The following ATXN1 variants were observed in gnomAD, a reference collection of about 807,000 sequenced individuals.
ATXN1 encodes ataxin 1, also known as ataxin-1.
In ATXN1, 8 loss-of-function variants were observed where a neutral mutation model predicts 56.4. The observed-to-expected ratio is 0.14, with a 90% confidence interval of 0.08 to 0.26. ATXN1 has a LOEUF of 0.26. Ranked by LOEUF, ATXN1 falls within the 10% of genes least tolerant of loss-of-function variation. The pLI, the probability that ATXN1 is intolerant of heterozygous loss-of-function variation, is 1.00. For missense variants in ATXN1, 987 were observed against 1,106.5 expected (o/e 0.89, Z 1.53); for synonymous variants, 514 against 494.6 (o/e 1.04, Z -0.52).
intron 3 of ATXN1, among the ~76,000 whole-genome samples, chr6:16,587,251 C>T (rs1175940950): frequency 6.6e-6 from 1 of 152,086 alleles, no homozygotes; most frequent in East Asian, 1.9e-4. Context: ...AAGCAGAAAC[C>T]TAAAATCCAC....
chr6:16,440,594 T>C (rs944723661), intron 6 of ATXN1, among the ~76,000 whole-genome samples: 2 of 123,546 alleles, frequency 1.6e-5, no homozygotes, highest in African/African-American at 6.5e-5. Context: ...TGAGCCAAAA[T>C]AGCACCACTG....
chr6:16,720,316 C>A (rs971976936), intron 2 of ATXN1, among the ~76,000 whole-genome samples: 4 of 152,200 alleles, frequency 2.6e-5, no homozygotes, highest in Non-Finnish European at 4.4e-5. Flanking sequence ...TTTGGGGGGT[C>A]TGCAAATAGA....
chr6:16,576,333 GAATAAT>G lies in ATXN1; in HGVS notation c.-361+9441_-361+9446del, dbSNP rs575874514. Among the ~76,000 whole-genome samples, 57 of 152,180 alleles carry G rather than the reference GAATAAT, an allele frequency of 3.7e-4. 1 individual carries two copies. The East Asian group carries it at 8.7e-3, about 23-fold the overall frequency. On this transcript the variant is annotated intron_variant, in intron 4 of 7. Transcript: ENST00000436367. Reference sequence around the variant, plus strand: ...AGTTCAGCCCAGCAAATGTCCTCAGGAATAATAAACAAACAGTGGGGGCATATTTTC... The same window carrying G: ...AGTTCAGCCCAGCAAATGTCCTCAGGAAACAAACAGTGGGGGCATATTTTC...
chr6:16,597,557 G>A (rs543640204), intron 3 of ATXN1, among the ~76,000 whole-genome samples: 98 of 151,248 alleles, frequency 6.5e-4, no homozygotes, highest in African/African-American at 2.1e-3. Context: ...TCCTGCCTCT[G>A]CCTCCCCAGT....
chr6:16,563,732 G>A (rs1474126569), intron 4 of ATXN1, among the ~76,000 whole-genome samples: 1 of 152,116 alleles, frequency 6.6e-6, no homozygotes, highest in Non-Finnish European at 1.5e-5. Flanking sequence ...GAAGTCTTAA[G>A]GTGAGGAGAT....
intron 4 of ATXN1, among the ~76,000 whole-genome samples, chr6:16,527,981 G>C (rs562892571): frequency 6.6e-6 from 1 of 152,230 alleles, no homozygotes; most frequent in African/African-American, 2.4e-5. Flanking sequence ...TGTGTTGTGT[G>C]CTATACAATG....
intron 5 of ATXN1, among the ~76,000 whole-genome samples, chr6:16,499,789 T>C (rs1279407379): frequency 6.6e-6 from 1 of 152,170 alleles, no homozygotes; most frequent in Non-Finnish European, 1.5e-5. Context: ...AAGAATACAG[T>C]GTAGGTTGTA....
At chr6:16,685,537 A>G (rs1758900248) in intron 2 of ATXN1, among the ~76,000 whole-genome samples, 1 of 152,208 alleles carries the variant, frequency 6.6e-6, no homozygotes, top group African/African-American at 2.4e-5. Context: ...GACTTCTTAC[A>G]TAAAAGCCAG....
At chr6:16,680,814 A>G (rs1758798204) in intron 2 of ATXN1, among the ~76,000 whole-genome samples, 1 of 152,244 alleles carries the variant, frequency 6.6e-6, no homozygotes, top group Admixed American at 6.5e-5. Flanking sequence ...CCCCCTCTTT[A>G]GGACTAAACA....
At chr6:16,349,673 C>T (rs764167452) in intron 6 of ATXN1, among the ~76,000 whole-genome samples, 3 of 152,264 alleles carry the variant, frequency 2.0e-5, no homozygotes, top group Admixed American at 1.3e-4. Flanking sequence ...CAAGTCTTAC[C>T]GGTTCAGAAA....
At chr6:16,567,994 A>G (rs1010133790) in intron 4 of ATXN1, among the ~76,000 whole-genome samples, 1 of 152,162 alleles carries the variant, frequency 6.6e-6, no homozygotes, top group African/African-American at 2.4e-5. Flanking sequence ...CACACAAAAG[A>G]GAATTATAAA....
intron 4 of ATXN1, among the ~76,000 whole-genome samples, chr6:16,570,956 G>C (rs527773491): frequency 2.5e-4 from 28 of 113,386 alleles, no homozygotes; most frequent in Middle Eastern, 4.9e-3. Flanking sequence ...GGTGGCCTAA[G>C]AATTAAGAGA....
intron 6 of ATXN1, among the ~76,000 whole-genome samples, chr6:16,347,334 G>A (rs945605167): frequency 6.6e-6 from 1 of 152,230 alleles, no homozygotes; most frequent in Admixed American, 6.5e-5. Flanking sequence ...TTTATGTCTA[G>A]CTAAGGGATT....
intron 5 of ATXN1, among the ~76,000 whole-genome samples, chr6:16,494,251 T>C (rs1233984837): frequency 6.6e-6 from 1 of 152,216 alleles, no homozygotes; most frequent in African/African-American, 2.4e-5. Context: ...AAGAATATGA[T>C]TTATTCACAA....
chr6:16,588,955 C>T (rs1762675790), intron 3 of ATXN1, among the ~76,000 whole-genome samples: 1 of 152,088 alleles, frequency 6.6e-6, no homozygotes, highest in South Asian at 2.1e-4. Flanking sequence ...GAGCTCTGAC[C>T]CCAGCCAGCC....
intron 6 of ATXN1, among the ~76,000 whole-genome samples, chr6:16,331,769 T>C (rs1477003313): frequency 6.6e-6 from 1 of 152,220 alleles, no homozygotes; most frequent in African/African-American, 2.4e-5. Context: ...CCTGTACAAT[T>C]GAATGCACAA....
At chr6:16,536,390 G>T (rs748906373) in intron 4 of ATXN1, among the ~76,000 whole-genome samples, 4 of 152,114 alleles carry the variant, frequency 2.6e-5, no homozygotes, top group Non-Finnish European at 4.4e-5. Context: ...ACCTGACAAA[G>T]CAAATATAGC....
At chr6:16,725,604 C>A (rs889271057) in intron 2 of ATXN1, among the ~76,000 whole-genome samples, 6 of 152,186 alleles carry the variant, frequency 3.9e-5, no homozygotes, top group Non-Finnish European at 7.4e-5. Flanking sequence ...TAAAGTATTT[C>A]TCTTCCTTCC....
At chr6:16,375,982 A>T (rs1008198241) in intron 6 of ATXN1, among the ~76,000 whole-genome samples, 1 of 152,254 alleles carries the variant, frequency 6.6e-6, no homozygotes, top group Non-Finnish European at 1.5e-5. Context: ...TGCTATCCAC[A>T]AGCCCTGGGC....
Sources: allele counts gnomAD v4.1 joint callset (sites outside exome capture counted in the v4.1 genomes callset), GRCh38; gene constraint gnomAD v4.1.1; transcripts MANE v1.5; gene names NCBI Gene and HGNC (gene_info 2026-07-23, HGNC 2026-07-21).